Variants in ATP11B observed in about 807,000 individuals in gnomAD.
ATP11B encodes phospholipid-transporting ATPase IF.
A neutral mutation model predicts 157.8 loss-of-function variants in ATP11B; 81 were observed. That is an observed-to-expected ratio of 0.51 (90% CI 0.43 to 0.62). The LOEUF (loss-of-function observed/expected upper bound fraction) is 0.62, where lower values mean the gene tolerates loss of function less well. ATP11B is among the 20% of genes least tolerant of loss of function. The pLI, the probability that ATP11B is intolerant of heterozygous loss-of-function variation, is 0.00. For missense variants in ATP11B, 1,165 were observed against 1,402.2 expected (o/e 0.83, Z 2.70); for synonymous variants, 451 against 469.4 (o/e 0.96, Z 0.51).
At chr3:182,821,896 T>C (rs190851927) in intron 2 of ATP11B, among the ~76,000 whole-genome samples, 1 of 152,214 alleles carries the variant, frequency 6.6e-6, no homozygotes, top group Non-Finnish European at 1.5e-5. Context: ...AACTAACATC[T>C]TTTCTCTAAT....
intron 17 of ATP11B, among the ~76,000 whole-genome samples, chr3:182,872,028 G>T (rs1721701387): frequency 6.6e-6 from 1 of 152,138 alleles, no homozygotes; most frequent in African/African-American, 2.4e-5. Flanking sequence ...TGTTAGCCAG[G>T]ATGGTCTCGA....
At chr3:182,857,837 A>G (rs1374061009) in intron 10 of ATP11B, 41 bp from the exon 11 acceptor site, 1 of 1,266,768 alleles carries the variant, frequency 7.9e-7, no homozygotes, top group Non-Finnish European at 1.1e-6. Flanking sequence ...ATATAGTAAT[A>G]CATGAGTTGT....
chr3:182,834,921 A>G (rs927058790), intron 4 of ATP11B, among the ~76,000 whole-genome samples: 3 of 152,244 alleles, frequency 2.0e-5, no homozygotes, highest in African/African-American at 7.2e-5. Flanking sequence ...CATTTAACAC[A>G]TATTTTGTGT....
intron 10 of ATP11B, among the ~76,000 whole-genome samples, chr3:182,851,863 G>T (rs1720004283): frequency 6.6e-6 from 1 of 152,184 alleles, no homozygotes; most frequent in Admixed American, 6.5e-5. Context: ...TGTCAGATTG[G>T]ATAAAAGAGC....
intron 10 of ATP11B, among the ~76,000 whole-genome samples, chr3:182,849,439 T>G (rs1719794238): frequency 6.6e-6 from 1 of 152,120 alleles, no homozygotes; most frequent in Non-Finnish European, 1.5e-5. Flanking sequence ...TAAAAAGCAC[T>G]CAATAGAAAC....
intron 1 of ATP11B, among the ~76,000 whole-genome samples, chr3:182,799,138 C>T (rs1715814263): frequency 6.6e-6 from 1 of 152,212 alleles, no homozygotes; most frequent in South Asian, 2.1e-4. Context: ...AGACTAGAAG[C>T]TGCCTGATAG....
chr3:182,830,203 G>A (rs773347630), intron 4 of ATP11B, among the ~76,000 whole-genome samples: 3 of 151,890 alleles, frequency 2.0e-5, no homozygotes, highest in Non-Finnish European at 4.4e-5. Flanking sequence ...CATACCTGTG[G>A]TCCCAGCTAC....
chr3:182,858,186 G>A (rs966370641), intron 11 of ATP11B, among the ~76,000 whole-genome samples, 158 bp downstream of exon 11: 2 of 152,226 alleles, frequency 1.3e-5, no homozygotes, highest in African/African-American at 4.8e-5. Context: ...AGAAGCCAGC[G>A]TGTTTGTACT....
intron 1 of ATP11B, among the ~76,000 whole-genome samples, chr3:182,810,741 T>G (rs1188843162): frequency 6.6e-6 from 1 of 152,220 alleles, no homozygotes; most frequent in Non-Finnish European, 1.5e-5. Context: ...GTACAGTAGT[T>G]TCCTGGTTTG....
At position 182,836,037 on chromosome 3, in the gene ATP11B, A is replaced by T. The variant is rs1036838830; in HGVS notation, c.318A>T (p.Gly106=). ...TTTTACCCTTTGGATATTTACAGGG[A>T]TATGAAGATTGGTTACGGCATAACT... is the stretch of plus-strand genomic sequence containing the variant. ...FVITVTAIKQ[G]YEDWLRHNSD... The change falls in exon 5 of 30, where the codon GGA becomes GGT. Residue 106 remains glycine (G), a splice_region_variant and synonymous_variant. Transcript: ENST00000323116. 1.9e-6 allele frequency: 3 copies of T among 1,607,662 alleles called. No individual in the cohort carries two copies. The highest frequency in any genetic ancestry group is 8.5e-7 in the Non-Finnish European group (1 of 1,175,454).
At chr3:182,828,362 T>G (rs1040537918) in intron 3 of ATP11B, among the ~76,000 whole-genome samples, 153 bp downstream of exon 3, 1 of 152,044 alleles carries the variant, frequency 6.6e-6, no homozygotes, top group Admixed American at 6.5e-5. Flanking sequence ...TACAATGATC[T>G]GTCATATCTA....
intron 21 of ATP11B, among the ~76,000 whole-genome samples, chr3:182,883,327 G>A (rs1181570542): frequency 1.3e-5 from 2 of 150,952 alleles, no homozygotes; most frequent in African/African-American, 2.4e-5. Context: ...GCTCAATCTC[G>A]GCTCACGGCA....
chr3:182,864,558 A>G (rs959960630), intron 12 of ATP11B, among the ~76,000 whole-genome samples: 1 of 152,068 alleles, frequency 6.6e-6, no homozygotes. Context: ...AATATGATGG[A>G]TTACATTAAT....
chr3:182,831,703 A>T (rs1470855941), intron 4 of ATP11B, among the ~76,000 whole-genome samples: 2 of 152,120 alleles, frequency 1.3e-5, no homozygotes, highest in African/African-American at 2.4e-5. Flanking sequence ...CTTCTGCCAG[A>T]TAATTGCATT....
chr3:182,856,535 A>G (rs919758895), intron 10 of ATP11B, among the ~76,000 whole-genome samples: 2 of 152,176 alleles, frequency 1.3e-5, no homozygotes, highest in East Asian at 3.8e-4. Flanking sequence ...GTAGATTTGA[A>G]TGTCATATCC....
intron 1 of ATP11B, among the ~76,000 whole-genome samples, chr3:182,799,512 T>C (rs1470692690): frequency 6.6e-6 from 1 of 151,956 alleles, no homozygotes; most frequent in East Asian, 1.9e-4. Context: ...CCTGACCTCA[T>C]GATCCGCCCG....
intron 10 of ATP11B, among the ~76,000 whole-genome samples, chr3:182,855,900 G>C (rs1280195781): frequency 2.0e-5 from 3 of 150,162 alleles, no homozygotes; most frequent in South Asian, 2.2e-4. Context: ...TGGCTAGGAG[G>C]TGGAGAGACT....
intron 3 of ATP11B, among the ~76,000 whole-genome samples, chr3:182,828,987 T>C (rs1363123227): frequency 6.6e-6 from 1 of 152,192 alleles, no homozygotes; most frequent in South Asian, 2.1e-4. Flanking sequence ...ATCATTTTAA[T>C]GCTTTAGGAA....
At chr3:182,839,166 C>T (rs1718798426) in intron 7 of ATP11B, among the ~76,000 whole-genome samples, 1 of 152,142 alleles carries the variant, frequency 6.6e-6, no homozygotes, top group South Asian at 2.1e-4. Context: ...TTATCCTTAA[C>T]AAACTAATAC....
Sources: allele counts gnomAD v4.1 joint callset (sites outside exome capture counted in the v4.1 genomes callset), GRCh38; gene constraint gnomAD v4.1.1; transcripts MANE v1.5; gene names NCBI Gene and HGNC (gene_info 2026-07-23, HGNC 2026-07-21).